The following CDC16 variants were observed in gnomAD, a reference collection of about 807,000 sequenced individuals.
CDC16 encodes the protein cell division cycle protein 16 homolog.
Under a neutral mutation model 87.0 loss-of-function variants are expected in CDC16, and 34 were observed. The observed-to-expected ratio is 0.39, with a 90% CI of 0.30 to 0.52. The LOEUF is 0.52. Ranked by LOEUF, CDC16 falls within the 20% of genes least tolerant of loss-of-function variation. The pLI, the probability that CDC16 is intolerant of heterozygous loss-of-function variation, is 0.74. For missense variants in CDC16, 653 were observed against 751.9 expected, an observed-to-expected ratio of 0.87 and a Z score of 1.54; for synonymous variants, 263 against 260.6, an observed-to-expected ratio of 1.01 and a Z score of -0.09.
intron 1 of CDC16, 136 bp downstream of exon 1, chr13:114,235,268 A>C (rs931756514): frequency 1.8e-6 from 1 of 559,314 alleles, no homozygotes. Flanking sequence ...ATCTGGGGCC[A>C]GCAGCGCTGT....
chr13:114,238,573 C>G (rs1399973027), intron 3 of CDC16, among the ~76,000 whole-genome samples: 1 of 152,272 alleles, frequency 6.6e-6, no homozygotes, highest in Non-Finnish European at 1.5e-5. Context: ...CTGCTGCGAT[C>G]TCCTTGGACC....
Position 114,270,398 on chromosome 13 carries a change from C to T in CDC16, c.1604-1786C>T, listed in dbSNP as rs1201477553. 2.0e-4 allele frequency among the ~76,000 whole-genome samples: 31 copies of T among 152,198 alleles called. 1 individual carries two copies. The highest frequency in any genetic ancestry group is 4.6e-4 in the Non-Finnish European group (31 of 68,026). On this transcript the variant is annotated intron_variant, in intron 17 of 17. Transcript: ENST00000356221. ...AGAAACCACCCCCATGATCCAGTCACCTCCTACCAGGCCCCACCTCCAACA... is the reference window on the plus strand; with the variant it reads ...AGAAACCACCCCCATGATCCAGTCATCTCCTACCAGGCCCCACCTCCAACA...
In CDC16 at chr13:114,235,107, A is replaced by G; in HGVS notation, c.23A>G (p.Lys8Arg). 1 of 1,245,808 alleles carries G rather than the reference A, an allele frequency of 8.0e-7. No homozygotes were observed. Among genetic ancestry groups the G allele is most frequent in the Non-Finnish European group, 1.0e-6 (1 of 995,608 alleles). The allele number at this position is 1,245,808 out of a possible 1,614,324, so 77.2% of individuals were successfully genotyped here. A position where few individuals can be genotyped will look rare whatever the true frequency, so the allele number is the denominator to read the frequency against. The change falls in exon 1 of 18, where the codon AAG (lysine) becomes AGG (arginine). Residue 8 changes from lysine (K) to arginine (R), a missense_variant. Lys to Arg is a conservative substitution (Grantham distance 26, BLOSUM62 2). Coordinates refer to ENST00000356221, the MANE Select transcript of CDC16 (RefSeq NM_001078645.3). ...GCCATGAACCTAGAGCGGCTGCGGAAGCGCGTCCGGCAGTACCTCGACCAG... is the reference window on the plus strand; with the variant it reads ...GCCATGAACCTAGAGCGGCTGCGGAGGCGCGTCCGGCAGTACCTCGACCAG... Reference protein sequence around the residue: MNLERLRKRVRQYLDQQQ... With the variant: MNLERLRRRVRQYLDQQQ...
At chr13:114,239,200 A>G in intron 4 of CDC16, 150 bp from the exon 5 acceptor site, 1 of 1,402,112 alleles carries the variant, frequency 7.1e-7, no homozygotes, top group Non-Finnish European at 9.7e-7. Flanking sequence ...TTCTTCGTTT[A>G]CCACATGCTG....
intron 3 of CDC16, among the ~76,000 whole-genome samples, chr13:114,237,484 G>C (rs867683487): frequency 9.9e-5 from 15 of 152,164 alleles, no homozygotes; most frequent in Middle Eastern, 3.4e-3. Context: ...TAGAGACAGA[G>C]CCTCACTATG....
At position 114,236,662 on chromosome 13, in the gene CDC16, T is replaced by C. The variant is rs746434874; in HGVS notation, c.66T>C (p.Ala22=). 6.2e-7 allele frequency: 1 copy of C among 1,613,042 alleles called. No homozygotes were observed. Among genetic ancestry groups the C allele is most frequent in the Non-Finnish European group, 8.5e-7 (1 of 1,179,870 alleles). ...GTATGCAGCAACAGTATCAAAGTGC[T>C]CTATTTTGGGCAGATAAAGTAGCTT... ...QYLDQQQYQS[A]LFWADKVASL... is the part of the protein sequence containing the mutation. The change falls in exon 2 of 18, where the codon GCT becomes GCC. Residue 22 remains alanine (A), a synonymous_variant. Coordinates refer to ENST00000356221, the MANE Select transcript of CDC16 (RefSeq NM_001078645.3).
chr13:114,257,301 T>TTTTA, intron 13 of CDC16, 71 bp downstream of exon 13: 1 of 865,534 alleles, frequency 1.2e-6, no homozygotes, highest in Non-Finnish European at 1.7e-6. Flanking sequence ...TCACTAGAGT[T>TTTTA]CACTGACAAA....
intron 11 of CDC16, among the ~76,000 whole-genome samples, chr13:114,249,899 ACTATT>A (rs1417098575): frequency 2.0e-5 from 3 of 152,240 alleles, no homozygotes; most frequent in Admixed American, 6.5e-5. Context: ...ATTTTGCTAT[ACTATT>A]AAACAGTTTT....
At chr13:114,265,387 A>G in intron 17 of CDC16, 147 bp downstream of exon 17, 1 of 600,052 alleles carries the variant, frequency 1.7e-6, no homozygotes, top group East Asian at 2.9e-5. Context: ...AACTCCATTT[A>G]TTTTATTAGA....
intron 12 of CDC16, among the ~76,000 whole-genome samples, chr13:114,251,281 C>T (rs777260681): frequency 1.3e-5 from 2 of 152,282 alleles, no homozygotes; most frequent in South Asian, 2.1e-4. Context: ...ACCTCCTGGA[C>T]TCTTCCTGGC....
At chr13:114,259,576 G>A (rs535897687) in intron 14 of CDC16, among the ~76,000 whole-genome samples, 178 bp downstream of exon 14, 7 of 152,216 alleles carry the variant, frequency 4.6e-5, no homozygotes, top group Non-Finnish European at 7.4e-5. Flanking sequence ...TAAGAAATGA[G>A]TTTTTTCCCT....
chr13:114,243,276 A>G lies in CDC16; in HGVS notation c.561A>G (p.Ser187=). The G allele has an allele frequency of 1.3e-6, 2 of 1,550,588 alleles. No homozygotes were observed. The highest frequency in any genetic ancestry group is 1.8e-6 in the Non-Finnish European group (2 of 1,123,490). The change falls in exon 7 of 18, where the codon TCA becomes TCG. Residue 187 remains serine, a synonymous_variant. Transcript: ENST00000356221. ...TTTAAGAAAAAGAACTTCTTGAATC[A>G]CTACCCCTTAGCAAGCTGTGTAATG... ...TAQEEKELLE[S]LPLSKLCNEE...
intron 1 of CDC16, 85 bp from the exon 2 acceptor site, chr13:114,236,560 A>G (rs2081260221): frequency 1.8e-6 from 2 of 1,096,778 alleles, no homozygotes; most frequent in African/African-American, 1.6e-5. Flanking sequence ...AATATATTAC[A>G]TAGAATTATA....
Position 114,259,645 on chromosome 13 carries a change from G to T in CDC16, c.1314+247G>T, listed in dbSNP as rs17291417. ...GGGCTCTAGCTTTGAAACGTGAGAG[G>T]CATCAGAATAGATTGGGTGATTATT... On this transcript the variant is annotated intron_variant, in intron 14 of 17. Coordinates refer to ENST00000356221, the MANE Select transcript of CDC16 (RefSeq NM_001078645.3). Among the ~76,000 whole-genome samples, 1,066 of 152,318 alleles carry T rather than the reference G, an allele frequency of 7.0e-3. 12 individuals carry two copies. The highest frequency in any genetic ancestry group is 0.024 in the African/African-American group (1,003 of 41,556).
intron 4 of CDC16, 147 bp downstream of exon 4, chr13:114,239,175 G>A: frequency 1.4e-6 from 2 of 1,409,438 alleles, no homozygotes; most frequent in South Asian, 2.8e-5. Flanking sequence ...AGTCATGTTT[G>A]CTATAAAATA....
At chr13:114,259,454 T>G in intron 14 of CDC16, 56 bp downstream of exon 14, 1 of 948,676 alleles carries the variant, frequency 1.1e-6, no homozygotes, top group Non-Finnish European at 1.5e-6. Context: ...TGTTTACTGT[T>G]AAATGAGGAA....
intron 5 of CDC16, 150 bp downstream of exon 5, chr13:114,239,640 T>C: frequency 1.6e-6 from 2 of 1,214,478 alleles, no homozygotes; most frequent in Non-Finnish European, 2.1e-6. Context: ...CCAAAAAAGA[T>C]TCTGAGACAT....
intron 17 of CDC16, among the ~76,000 whole-genome samples, chr13:114,269,371 A>G (rs933850431): frequency 4.7e-5 from 7 of 148,532 alleles, no homozygotes; most frequent in South Asian, 2.1e-4. Context: ...CTCAGAGTCA[A>G]TGTGGGAGGG....
At chr13:114,259,266 CA>C (rs1566672739) in intron 13 of CDC16, 68 bp from the exon 14 acceptor site, 3 of 1,113,956 alleles carry the variant, frequency 2.7e-6, no homozygotes, top group Non-Finnish European at 3.9e-6. Context: ...GAAAGGTAAT[CA>C]AAAATTTTTT....
Sources: gnomAD v4.1 joint callset for allele counts (sites outside exome capture counted in the v4.1 genomes callset) on GRCh38, gnomAD v4.1.1 for gene constraint, MANE v1.5 for transcripts, NCBI Gene and HGNC (gene_info 2026-07-23, HGNC 2026-07-21) for gene names.